The following THRB variants were observed in gnomAD, a reference collection of about 807,000 sequenced individuals.
The protein encoded by THRB is thyroid hormone receptor beta, also known as nuclear receptor subfamily 1 group A member 2.
THRB carries 12 observed loss-of-function variants against 47.8 expected under a neutral mutation model. The observed-to-expected ratio is 0.25, with a 90% CI of 0.16 to 0.41. The LOEUF (loss-of-function observed/expected upper bound fraction) is 0.41, where lower values mean the gene tolerates loss of function less well. Among genes scored for constraint, THRB ranks in the 10% least tolerant of loss-of-function variants. The pLI is 1.00. For missense variants in THRB, 348 were observed against 589.2 expected, an observed-to-expected ratio of 0.59 and a Z score of 4.24; for synonymous variants, 218 against 212.2, an observed-to-expected ratio of 1.03 and a Z score of -0.24.
chr3:24,470,544 C>A (rs1296843162), intron 1 of THRB, among the ~76,000 whole-genome samples: 1 of 152,120 alleles, frequency 6.6e-6, no homozygotes, highest in Non-Finnish European at 1.5e-5. Flanking sequence ...CTTAATAAGC[C>A]CCATAGAAAT....
intron 3 of THRB, among the ~76,000 whole-genome samples, chr3:24,248,462 G>A: frequency 6.6e-6 from 1 of 151,666 alleles, no homozygotes; most frequent in African/African-American, 2.4e-5. Flanking sequence ...TAAAACTACT[G>A]AGTTTTTGAC....
intron 7 of THRB, chr3:24,144,596 A>G (rs2035861852): frequency 6.6e-6 from 1 of 152,160 alleles, no homozygotes. Context: ...AGAAACCTAT[A>G]TTTCTGTGGT....
intron 2 of THRB, among the ~76,000 whole-genome samples, chr3:24,317,874 T>C (rs186298558): frequency 6.6e-6 from 1 of 152,160 alleles, no homozygotes; most frequent in East Asian, 1.9e-4. Context: ...CTGGGAAACA[T>C]GGCAAAACCT....
intron 1 of THRB, among the ~76,000 whole-genome samples, chr3:24,341,948 C>T (rs1406945100): frequency 1.3e-5 from 2 of 152,106 alleles, no homozygotes; most frequent in African/African-American, 4.8e-5. Context: ...AGCAGAGTCA[C>T]CTAGCTGACA....
intron 4 of THRB, among the ~76,000 whole-genome samples, chr3:24,205,449 C>A (rs1175825520): frequency 6.6e-6 from 1 of 152,166 alleles, no homozygotes; most frequent in African/African-American, 2.4e-5. Context: ...GAAGCAAATG[C>A]TGAGAGATTT....
intron 4 of THRB, among the ~76,000 whole-genome samples, chr3:24,221,259 G>T (rs1423317812): frequency 6.6e-6 from 1 of 152,166 alleles, no homozygotes; most frequent in Non-Finnish European, 1.5e-5. Flanking sequence ...ATTCTGGTTG[G>T]GAAAATTGTT....
At chr3:24,153,791 G>T (rs2149124301) in intron 5 of THRB, among the ~76,000 whole-genome samples, 1 of 152,262 alleles carries the variant, frequency 6.6e-6, no homozygotes, top group Non-Finnish European at 1.5e-5. Flanking sequence ...GATTGGTTGG[G>T]ATGTGAAGAA....
intron 9 of THRB, among the ~76,000 whole-genome samples, chr3:24,128,988 G>A (rs146737127): frequency 2.0e-5 from 3 of 146,452 alleles, no homozygotes; most frequent in East Asian, 4.2e-4. Flanking sequence ...TTTGGGAAAC[G>A]CTCTTGGCAA....
intron 4 of THRB, 105 bp from the exon 5 acceptor site, chr3:24,190,439 A>C (rs1281528104): frequency 7.2e-7 from 1 of 1,379,538 alleles, no homozygotes; most frequent in Non-Finnish European, 1.0e-6. Flanking sequence ...TTTTGGGCTG[A>C]CAGTATTCAC....
intron 1 of THRB, among the ~76,000 whole-genome samples, chr3:24,374,027 G>A (rs1254989696): frequency 1.3e-5 from 2 of 151,894 alleles, no homozygotes; most frequent in East Asian, 3.9e-4. Context: ...GTGATTCTGG[G>A]GGCTGCCCAA....
intron 2 of THRB, among the ~76,000 whole-genome samples, chr3:24,333,614 G>C (rs534698843): frequency 6.6e-6 from 1 of 152,202 alleles, no homozygotes; most frequent in South Asian, 2.1e-4. Context: ...GGTTTGATCA[G>C]GAAATTTGTG....
chr3:24,183,342 CTTTTCTTCT>C (rs1413064363), intron 5 of THRB, among the ~76,000 whole-genome samples: 3 of 144,540 alleles, frequency 2.1e-5, no homozygotes, highest in Admixed American at 6.9e-5. Flanking sequence ...CATCTTTTTT[CTTTTCTTCT>C]TTTTCTTTTT....
In THRB at chr3:24,464,162, C is replaced by T. The variant is rs553068352; in HGVS notation, c.-261+30490G>A. Reference sequence around the variant, plus strand: ...TCAAAAGGCTGAGGCAGGAGAATGGCGTGAACCCGGGAGGCGGAGCCTGCA... The same window carrying T: ...TCAAAAGGCTGAGGCAGGAGAATGGTGTGAACCCGGGAGGCGGAGCCTGCA... On this transcript the variant is annotated intron_variant, in intron 1 of 10. Transcript: ENST00000646209. Among the ~76,000 whole-genome samples the T allele has an allele frequency of 1.7e-3, 250 of 151,220 alleles. 1 individual carries two copies. The highest frequency in any genetic ancestry group is 5.8e-3 in the African/African-American group (238 of 41,206).
intron 8 of THRB, among the ~76,000 whole-genome samples, chr3:24,140,630 C>T (rs114501863): frequency 0.012 from 1,810 of 152,166 alleles, 40 homozygotes; most frequent in African/African-American, 0.041. Flanking sequence ...GGCTTCCCTC[C>T]CCCAAGGTAC....
intron 2 of THRB, chr3:24,318,424 G>T (rs1397378182): frequency 6.6e-6 from 1 of 152,204 alleles, no homozygotes; most frequent in African/African-American, 2.4e-5. Context: ...CACTCACTCA[G>T]GTGTCCACTT....
intron 7 of THRB, 47 bp from the exon 8 acceptor site, chr3:24,143,753 A>T: frequency 6.3e-7 from 1 of 1,595,560 alleles, no homozygotes; most frequent in Non-Finnish European, 8.6e-7. Context: ...TGCTCCCAAG[A>T]TACACAGCAA....
At chr3:24,470,900 A>C (rs984594592) in intron 1 of THRB, among the ~76,000 whole-genome samples, 1 of 152,244 alleles carries the variant, frequency 6.6e-6, no homozygotes, top group Non-Finnish European at 1.5e-5. Flanking sequence ...TACAGGCATG[A>C]GCCATCACAC....
At chr3:24,333,009 G>A (rs559110852) in intron 2 of THRB, among the ~76,000 whole-genome samples, 77 of 152,158 alleles carry the variant, frequency 5.1e-4, no homozygotes, top group African/African-American at 1.7e-3. Flanking sequence ...GGCGTGAACC[G>A]GGAGGCGGAG....
At chr3:24,283,337 T>C (rs1316028393) in intron 3 of THRB, among the ~76,000 whole-genome samples, 1 of 152,110 alleles carries the variant, frequency 6.6e-6, no homozygotes, top group Non-Finnish European at 1.5e-5. Flanking sequence ...AAAAACCACG[T>C]GATTATCTCA....
Sources: allele counts gnomAD v4.1 joint callset (sites outside exome capture counted in the v4.1 genomes callset), GRCh38; gene constraint gnomAD v4.1.1; transcripts MANE v1.5; gene names NCBI Gene and HGNC (gene_info 2026-07-23, HGNC 2026-07-21).